The following USP32 variants were observed in gnomAD, a reference collection of about 807,000 sequenced individuals.
USP32 encodes ubiquitin carboxyl-terminal hydrolase 32.
USP32 carries 59 observed loss-of-function variants against 204.8 expected under a neutral mutation model. That is an observed-to-expected ratio of 0.29 (90% CI 0.23 to 0.36). USP32 has a LOEUF of 0.36. Among genes scored for constraint, USP32 ranks in the 10% least tolerant of loss-of-function variants. The pLI, the probability that USP32 is intolerant of heterozygous loss-of-function variation, is 1.00. For missense variants in USP32, 1,160 were observed against 1,946.4 expected (o/e 0.60, Z 7.60); for synonymous variants, 517 against 678.4 (o/e 0.76, Z 3.70).
chr17:60,191,236 T>C (rs1185205883), intron 28 of USP32, among the ~76,000 whole-genome samples: 3 of 151,554 alleles, frequency 2.0e-5, no homozygotes, highest in Admixed American at 6.6e-5. Flanking sequence ...ACCCTGTCTC[T>C]ACTAAAACTA....
chr17:60,197,893 C>A (rs1374093507), intron 27 of USP32, among the ~76,000 whole-genome samples: 1 of 152,182 alleles, frequency 6.6e-6, no homozygotes, highest in Non-Finnish European at 1.5e-5. Flanking sequence ...TCAGAGTTCA[C>A]GTATGCAGTC....
intron 1 of USP32, among the ~76,000 whole-genome samples, chr17:60,353,622 T>TC (rs2089003211): frequency 6.6e-6 from 1 of 152,024 alleles, no homozygotes; most frequent in Non-Finnish European, 1.5e-5. Flanking sequence ...ACACCTGTAA[T>TC]CCCAGCCACT....
chr17:60,244,029 GTTTTTTTT>G lies in USP32; in HGVS notation c.1137-7797_1137-7790del, dbSNP rs34842511. Among the ~76,000 whole-genome samples the G allele has an allele frequency of 4.2e-5, 3 of 71,680 alleles. 1 individual carries two copies. Among genetic ancestry groups the G allele is most frequent in the African/African-American group, 2.1e-4 (3 of 14,166 alleles). 47.0% of individuals were successfully genotyped at this position (71,680 alleles called of 152,430 possible). The stretch of plus-strand genomic sequence containing the variant: ...TTTGAATCTCAAGTAGCTGGATTGT[GTTTTTTTT>G]TTTTTTTTTTTTTTTTGAGATGGAG... On this transcript the variant is annotated intron_variant, in intron 11 of 33. Coordinates refer to ENST00000300896, the MANE Select transcript of USP32 (RefSeq NM_032582.4).
Position 60,328,861 on chromosome 17 carries a change from CTCTGTGGCAGCAGCCAGTGTG to C in USP32, c.186+16599_186+16619del, listed in dbSNP as rs137903463. The stretch of plus-strand genomic sequence containing the variant: ...CCATGCCAGCACCTGGAGCTACCTG[CTCTGTGGCAGCAGCCAGTGTG>C]TCTTGACTGCACACTGGCTGTACCC... On this transcript the variant is annotated intron_variant, in intron 2 of 33. Transcript: ENST00000300896. Among the ~76,000 whole-genome samples, 1,435 of 152,306 alleles carry C rather than the reference CTCTGTGGCAGCAGCCAGTGTG, an allele frequency of 9.4e-3. 32 individuals are homozygous for C. The highest frequency in any genetic ancestry group is 0.033 in the African/African-American group (1,380 of 41,566).
At chr17:60,302,587 T>C (rs887453209) in intron 2 of USP32, among the ~76,000 whole-genome samples, 2 of 152,208 alleles carry the variant, frequency 1.3e-5, no homozygotes, top group African/African-American at 4.8e-5. Context: ...AGTATCTGCA[T>C]ATTACAGACC....
intron 1 of USP32, among the ~76,000 whole-genome samples, chr17:60,403,459 C>T: frequency 6.6e-6 from 1 of 152,138 alleles, no homozygotes; most frequent in Non-Finnish European, 1.5e-5. Context: ...ACAGTCTGCC[C>T]TCGGGTTACA....
Position 60,288,636 on chromosome 17 carries a change from T to C in USP32, c.458A>G (p.Asn153Ser). ...TCGAGAGAAAGTAAAAGCATCTTTG[T>C]TTAGAAAAAGCCAATTTCTAAACTT... ...YEKFRNWLFL[N>S]KDAFTFSRWL... The change falls in exon 5 of 34, where the codon AAC (asparagine) becomes AGC (serine). Residue 153 changes from asparagine to serine, a missense_variant. Asn to Ser is a conservative substitution (Grantham distance 46, BLOSUM62 1). Around this residue, in one of 8 missense-constraint regions of USP32, gnomAD observed 536 missense variants for 680.9 expected, o/e 0.79. Coordinates refer to ENST00000300896, the MANE Select transcript of USP32 (RefSeq NM_032582.4). 6.2e-7 allele frequency: 1 copy of C among 1,613,042 alleles called. No homozygotes were observed. Among genetic ancestry groups the C allele is most frequent in the Non-Finnish European group, 8.5e-7 (1 of 1,179,634 alleles).
intron 5 of USP32, among the ~76,000 whole-genome samples, chr17:60,283,397 A>G (rs927262340): frequency 6.6e-6 from 1 of 152,254 alleles, no homozygotes; most frequent in Admixed American, 6.5e-5. Context: ...GAAGTAATTA[A>G]AAGAAATTTA....
intron 1 of USP32, among the ~76,000 whole-genome samples, chr17:60,399,442 T>C (rs1237150639): frequency 6.6e-6 from 1 of 151,654 alleles, no homozygotes. Flanking sequence ...ATTGCTTGAG[T>C]CCAGGAGTTT....
chr17:60,247,102 A>G (rs2086047069), intron 11 of USP32, among the ~76,000 whole-genome samples: 1 of 152,022 alleles, frequency 6.6e-6, no homozygotes, highest in Non-Finnish European at 1.5e-5. Context: ...GTGTCATACC[A>G]CTCAGACAAA....
chr17:60,374,382 T>G (rs2089500487), intron 1 of USP32, among the ~76,000 whole-genome samples: 2 of 151,586 alleles, frequency 1.3e-5, no homozygotes, highest in African/African-American at 2.4e-5. Context: ...TGCCTAAGGC[T>G]GTTACAGTTA....
intron 9 of USP32, among the ~76,000 whole-genome samples, chr17:60,262,179 T>C (rs2086469815): frequency 6.6e-6 from 1 of 152,148 alleles, no homozygotes; most frequent in Non-Finnish European, 1.5e-5. Context: ...TTATTTTGTT[T>C]TATGTATGTA....
chr17:60,399,884 T>C (rs2089923599), intron 1 of USP32, among the ~76,000 whole-genome samples: 1 of 152,104 alleles, frequency 6.6e-6, no homozygotes, highest in African/African-American at 2.4e-5. Flanking sequence ...GAGAAGGGGA[T>C]GGGATCAAAT....
chr17:60,217,963 C>T (rs1396566930), intron 16 of USP32, among the ~76,000 whole-genome samples: 2 of 151,658 alleles, frequency 1.3e-5, no homozygotes, highest in African/African-American at 4.8e-5. Context: ...GTCTCAAACT[C>T]CTGGCTTCAA....
chr17:60,219,762 A>T lies in USP32; in HGVS notation c.1775T>A (p.Ile592Asn). The T allele has an allele frequency of 6.2e-7, 1 of 1,612,566 alleles. No individual in the cohort carries two copies. The highest frequency in any genetic ancestry group is 1.1e-5 in the South Asian group (1 of 90,924). Residue 592 changes from isoleucine to asparagine, a missense_variant, in exon 16 of 34, where the codon ATC becomes AAC. By Grantham distance (149) the Ile-to-Asn change is moderately radical. Transcript: ENST00000300896. ...RPVIKNSKTD[I>N]PELELFPRYL... ...GCGGGGAAATAATTCCAGCTCTGGG[A>T]TGTCTGTCTTGCTGTTCTTGATAAC...
At chr17:60,391,812 C>A (rs2089839791) in intron 1 of USP32, 70 bp downstream of exon 1, 2 of 1,553,354 alleles carry the variant, frequency 1.3e-6, no homozygotes, top group Non-Finnish European at 1.8e-6. Context: ...CTCTCCCTCC[C>A]GGTTACCCAC....
intron 1 of USP32, among the ~76,000 whole-genome samples, chr17:60,354,342 G>T: frequency 6.6e-6 from 1 of 152,042 alleles, no homozygotes; most frequent in Admixed American, 6.5e-5. Context: ...TTCTGTTATA[G>T]GATAGGAGTT....
intron 26 of USP32, among the ~76,000 whole-genome samples, chr17:60,202,355 T>C (rs1459684495): frequency 6.6e-6 from 1 of 152,122 alleles, no homozygotes; most frequent in Admixed American, 6.6e-5. Flanking sequence ...CCAATCTTGA[T>C]GATATCCTCA....
At chr17:60,265,951 C>T (rs2086580697) in intron 8 of USP32, 25 bp downstream of exon 8, 1 of 1,558,558 alleles carries the variant, frequency 6.4e-7, no homozygotes, top group Admixed American at 1.7e-5. Flanking sequence ...TTATACGCAA[C>T]AAGACATACA....
Sources: allele counts gnomAD v4.1 joint callset (sites outside exome capture counted in the v4.1 genomes callset), GRCh38; gene constraint gnomAD v4.1.1; regional missense constraint gnomAD v4.1.1; transcripts MANE v1.5; gene names NCBI Gene and HGNC (gene_info 2026-07-23, HGNC 2026-07-21).